Variants in GNAL observed in about 807,000 individuals in gnomAD.
GNAL encodes the protein guanine nucleotide-binding protein G(olf) subunit alpha.
GNAL carries 18 observed loss-of-function variants against 55.1 expected under a neutral mutation model. The observed-to-expected ratio is 0.33, with a 90% confidence interval of 0.23 to 0.48. The LOEUF is 0.48. GNAL is among the 20% of genes least tolerant of loss of function. The pLI is 0.99. For missense variants in GNAL, 412 were observed against 614.1 expected, an observed-to-expected ratio of 0.67 and a Z score of 3.48; for synonymous variants, 253 against 237.0, an observed-to-expected ratio of 1.07 and a Z score of -0.62.
intron 4 of GNAL, among the ~76,000 whole-genome samples, chr18:11,790,847 C>T (rs940617526): frequency 4.0e-5 from 6 of 151,842 alleles, no homozygotes; most frequent in South Asian, 2.1e-4. Context: ...TTAGTAGAGA[C>T]GGAGTTTCAC....
chr18:11,778,628 C>T (rs2033847126), intron 4 of GNAL, among the ~76,000 whole-genome samples: 1 of 152,152 alleles, frequency 6.6e-6, no homozygotes, highest in African/African-American at 2.4e-5. Flanking sequence ...CTCTGAAGGC[C>T]CATGCAGGCT....
intron 1 of GNAL, among the ~76,000 whole-genome samples, chr18:11,692,328 T>A (rs2031275498): frequency 6.6e-6 from 1 of 152,190 alleles, no homozygotes; most frequent in Non-Finnish European, 1.5e-5. Context: ...AAATATCTAA[T>A]TTCTAAAGCA....
At chr18:11,690,540 T>C (rs1483270786) in intron 1 of GNAL, among the ~76,000 whole-genome samples, 3 of 151,190 alleles carry the variant, frequency 2.0e-5, no homozygotes, top group African/African-American at 7.3e-5. Context: ...ACATGTGCCA[T>C]GCTGGTGTGC....
chr18:11,875,631 A>G (rs1010026336), intron 10 of GNAL, among the ~76,000 whole-genome samples: 1 of 152,138 alleles, frequency 6.6e-6, no homozygotes, highest in African/African-American at 2.4e-5. Context: ...CTCCCTGTGC[A>G]TCTTCTGCCA....
In GNAL at chr18:11,749,356, A is replaced by G. The variant is rs145362327; in HGVS notation, c.377-3497A>G. Among the ~76,000 whole-genome samples, 1,348 of 152,294 alleles carry G rather than the reference A, an allele frequency of 8.9e-3. 18 individuals carry two copies. The highest frequency in any genetic ancestry group is 0.031 in the African/African-American group (1,279 of 41,566). The stretch of plus-strand genomic sequence containing the variant: ...TTCTGCCTGTCTAGAAAAGTAATTC[A>G]TTGCATTTTTTAAATGTATTTTTAT... On this transcript the variant is annotated intron_variant, in intron 1 of 11. Transcript: ENST00000334049.
At chr18:11,798,127 GGAGGCT>G (rs2034437613) in intron 4 of GNAL, among the ~76,000 whole-genome samples, 1 of 152,150 alleles carries the variant, frequency 6.6e-6, no homozygotes, top group Non-Finnish European at 1.5e-5. Flanking sequence ...CAGTTACTCT[GGAGGCT>G]GAGGCAGGAG....
intron 1 of GNAL, among the ~76,000 whole-genome samples, chr18:11,735,236 A>G (rs1330629356): frequency 6.6e-6 from 1 of 151,728 alleles, no homozygotes; most frequent in East Asian, 2.0e-4. Flanking sequence ...TTTTTGGTAG[A>G]GACGGGGTTT....
chr18:11,758,447 C>G (rs534492362), intron 4 of GNAL, among the ~76,000 whole-genome samples: 1 of 152,200 alleles, frequency 6.6e-6, no homozygotes, highest in Admixed American at 6.5e-5. Context: ...CAAGCCAGAA[C>G]TGTAAAGGGG....
intron 5 of GNAL, among the ~76,000 whole-genome samples, chr18:11,839,986 C>T (rs1031172011): frequency 6.6e-6 from 1 of 152,204 alleles, no homozygotes. Context: ...TAAAACCTTT[C>T]TTAGGGTAGT....
In GNAL at chr18:11,731,529, T is replaced by C. The variant is rs183654588; in HGVS notation, c.377-21324T>C. 1.4e-4 allele frequency among the ~76,000 whole-genome samples: 21 copies of C among 152,370 alleles called. 1 individual carries two copies. The highest frequency in any genetic ancestry group is 8.5e-4 in the Admixed American group (13 of 15,306). ...CAGTCAGTGGGGGGCCTTAGGATTT[T>C]ATTTTTAGTTTACGATAGGTCGAAT... On this transcript the variant is annotated intron_variant, in intron 1 of 11. Coordinates refer to ENST00000334049, the MANE Select transcript of GNAL (RefSeq NM_182978.4).
At position 11,732,205 on chromosome 18, in the gene GNAL, G is replaced by T. The variant is rs565862698; in HGVS notation, c.377-20648G>T. 2.0e-5 allele frequency among the ~76,000 whole-genome samples: 3 copies of T among 152,328 alleles called. No homozygotes were observed. The East Asian group carries it at 5.8e-4, about 29-fold the overall frequency. On this transcript the variant is annotated intron_variant, in intron 1 of 11. Coordinates refer to ENST00000334049, the MANE Select transcript of GNAL (RefSeq NM_182978.4). Reference sequence around the variant, plus strand: ...TTGGGTATTACCAAGAATTGGAATTGCTGGGTCATGTGGTAACTGTATGTT... The same window carrying T: ...TTGGGTATTACCAAGAATTGGAATTTCTGGGTCATGTGGTAACTGTATGTT...
intron 5 of GNAL, among the ~76,000 whole-genome samples, chr18:11,827,632 A>T (rs1218913761): frequency 1.3e-5 from 2 of 148,922 alleles, no homozygotes; most frequent in Non-Finnish European, 3.0e-5. Flanking sequence ...AAATTAAAAA[A>T]TTAAAAATGT....
chr18:11,868,092 T>C lies in GNAL; in HGVS notation c.911-451T>C, dbSNP rs888994783. Among the ~76,000 whole-genome samples the C allele has an allele frequency of 6.6e-6, 1 of 151,932 alleles. No homozygotes were observed. The highest frequency in any genetic ancestry group is 1.5e-5 in the Non-Finnish European group (1 of 68,016). ...GTGAGCCAAGATTGCGCCATTGCAC[T>C]CCAGCCTGGGCAACAAGAGTGAAAC... On this transcript the variant is annotated intron_variant, in intron 8 of 11. Transcript: ENST00000334049. The surrounding 1 kb of genome is among the most constrained non-coding windows in gnomAD (Gnocchi z 4.0).
intron 4 of GNAL, among the ~76,000 whole-genome samples, chr18:11,817,391 A>C (rs566205515): frequency 4.9e-4 from 74 of 152,344 alleles, no homozygotes; most frequent in African/African-American, 1.6e-3. Flanking sequence ...CCTGCACAGC[A>C]GGATTGTTTG....
intron 1 of GNAL, among the ~76,000 whole-genome samples, chr18:11,733,442 GGA>G (rs1188755638): frequency 3.9e-5 from 6 of 152,208 alleles, no homozygotes; most frequent in African/African-American, 1.4e-4. Context: ...CTCCAGAGCT[GGA>G]GCTAAACGGC....
chr18:11,845,691 G>T (rs768007042), intron 5 of GNAL, among the ~76,000 whole-genome samples: 33 of 151,536 alleles, frequency 2.2e-4, no homozygotes, highest in Non-Finnish European at 4.3e-4. Flanking sequence ...GCGCCACTCC[G>T]GGTAACAGAG....
chr18:11,868,292 C>T lies in GNAL; in HGVS notation c.911-251C>T, dbSNP rs1422158555. Among the ~76,000 whole-genome samples the T allele has an allele frequency of 2.0e-5, 3 of 150,292 alleles. No homozygotes were observed. Among genetic ancestry groups the T allele is most frequent in the Non-Finnish European group, 4.4e-5 (3 of 67,662 alleles). On this transcript the variant is annotated intron_variant, in intron 8 of 11. Transcript: ENST00000334049. The surrounding 1 kb of genome is among the most constrained non-coding windows in gnomAD (Gnocchi z 4.0). ...TCCAGCCTGGGAGACAAGAGTGAAA[C>T]TCCATCTCAAAAAAAAAAAAGCACT...
At chr18:11,853,243 G>T (rs1047895276) in intron 5 of GNAL, 1 of 167,094 alleles carries the variant, frequency 6.0e-6, no homozygotes, top group African/African-American at 2.4e-5. Context: ...CATCCAGCCA[G>T]CTGGAAATCT....
chr18:11,884,782 T>C lies in GNAL; in HGVS notation c.*3647T>C. ...ACCTGAGACCAAGGGGGCCCAGCCT[T>C]CTCCCTGCACAGCTCACCCCCGACC... is the stretch of plus-strand genomic sequence containing the variant. On this transcript the variant is annotated 3_prime_UTR_variant, in exon 12 of 12. Transcript: ENST00000334049. 7.4e-7 allele frequency: 1 copy of C among 1,349,184 alleles called. No homozygotes were observed. Among genetic ancestry groups the C allele is most frequent in the Non-Finnish European group, 9.8e-7 (1 of 1,020,352 alleles). The allele number at this position is 1,349,184 out of a possible 1,614,324, so 83.6% of individuals were successfully genotyped here. A position where few individuals can be genotyped will look rare whatever the true frequency, so the allele number is the denominator to read the frequency against.
Sources: gnomAD v4.1 joint callset for allele counts (sites outside exome capture counted in the v4.1 genomes callset) on GRCh38, gnomAD v4.1.1 for gene constraint, Gnocchi (gnomAD v3.1) non-coding constraint, MANE v1.5 for transcripts, NCBI Gene and HGNC (gene_info 2026-07-23, HGNC 2026-07-21) for gene names.